Variants in GPD2 observed in about 807,000 individuals in gnomAD.
GPD2 encodes the protein glycerol-3-phosphate dehydrogenase, mitochondrial.
A neutral mutation model predicts 82.4 loss-of-function variants in GPD2; 54 were observed. The ratio of observed to expected loss-of-function variants is 0.66; its 90% CI spans 0.53 to 0.82. The LOEUF is 0.82. Ranked by LOEUF, GPD2 falls within the 40% of genes least tolerant of loss-of-function variation. GPD2 has a pLI of 0.00. For synonymous variants in GPD2, 288 were observed against 306.1 expected (o/e 0.94, Z 0.62); for missense variants, 748 against 896.2 (o/e 0.83, Z 2.11).
chr2:156,574,573 G>A (rs1036207495), intron 13 of GPD2, among the ~76,000 whole-genome samples: 5 of 151,326 alleles, frequency 3.3e-5, no homozygotes, highest in Non-Finnish European at 7.4e-5. Context: ...TAAGTAGACT[G>A]AGAGTCTCAC....
At chr2:156,406,353 C>T in the GPD2 span, among the ~76,000 whole-genome samples, 2 of 152,162 alleles carry the variant, frequency 1.3e-5, no homozygotes, top group East Asian at 1.9e-4. Context: ...ATCCTGCTCA[C>T]GATATGCTCA....
chr2:156,518,260 C>T (rs1003151780), intron 6 of GPD2, among the ~76,000 whole-genome samples: 1 of 152,164 alleles, frequency 6.6e-6, no homozygotes, highest in African/African-American at 2.4e-5. Flanking sequence ...CCACCCCAAC[C>T]TCAGCTATAA....
At chr2:156,498,441 T>C (rs1204087257) in intron 3 of GPD2, among the ~76,000 whole-genome samples, 1 of 152,190 alleles carries the variant, frequency 6.6e-6, no homozygotes, top group African/African-American at 2.4e-5. Flanking sequence ...GGTAACATTT[T>C]AATAGGCAAA....
intron 9 of GPD2, among the ~76,000 whole-genome samples, chr2:156,567,503 T>C (rs558503503): frequency 4.6e-4 from 70 of 152,242 alleles, no homozygotes; most frequent in African/African-American, 1.6e-3. Flanking sequence ...GGGAGTATGA[T>C]GAAGAAGGAG....
chr2:156,503,652 AAAG>A (rs1224894753), intron 3 of GPD2, among the ~76,000 whole-genome samples: 2 of 152,220 alleles, frequency 1.3e-5, no homozygotes, highest in African/African-American at 4.8e-5. Context: ...AAATTTTAAA[AAAG>A]CAAGTTGTGA....
intron 3 of GPD2, among the ~76,000 whole-genome samples, chr2:156,496,752 A>G (rs1366189898): frequency 6.6e-6 from 1 of 152,140 alleles, no homozygotes; most frequent in Non-Finnish European, 1.5e-5. Flanking sequence ...TATATAAAAT[A>G]AAAACATTTT....
rs918407613 is a variant in GPD2 at position 156,527,782 on chromosome 2, C to G, written c.661+14286C>G. On this transcript the variant is annotated intron_variant, in intron 6 of 16. Coordinates refer to ENST00000438166, the MANE Select transcript of GPD2 (RefSeq NM_000408.5). ...TGTAACTGATTTACCTGGGATAGAC[C>G]AGGTAAATCAGTACACCAGAAACTT... Among the ~76,000 whole-genome samples the G allele has an allele frequency of 9.9e-5, 15 of 151,826 alleles. 1 individual carries two copies. The highest frequency in any genetic ancestry group is 8.5e-4 in the Admixed American group (13 of 15,262).
At chr2:156,502,077 T>C (rs778555347) in intron 3 of GPD2, among the ~76,000 whole-genome samples, 12 of 149,906 alleles carry the variant, frequency 8.0e-5, no homozygotes, top group Non-Finnish European at 1.8e-4. Context: ...TGTTGGGGTA[T>C]CCACTCCCCC....
At chr2:156,555,226 T>C (rs1487486129) in intron 8 of GPD2, among the ~76,000 whole-genome samples, 1 of 152,250 alleles carries the variant, frequency 6.6e-6, no homozygotes, top group Non-Finnish European at 1.5e-5. Flanking sequence ...GTTAATTTTA[T>C]GTTTGTCACA....
At chr2:156,578,171 CA>C (rs1447027034) in intron 13 of GPD2, among the ~76,000 whole-genome samples, 1 of 152,176 alleles carries the variant, frequency 6.6e-6, no homozygotes, top group Non-Finnish European at 1.5e-5. Flanking sequence ...TATTAATTGA[CA>C]CTGAGGACAT....
At chr2:156,563,904 G>A (rs1180394990) in intron 9 of GPD2, among the ~76,000 whole-genome samples, 2 of 152,072 alleles carry the variant, frequency 1.3e-5, no homozygotes, top group Non-Finnish European at 2.9e-5. Context: ...AAATTCAGTT[G>A]CTCAGTCAGG....
intron 1 of GPD2, among the ~76,000 whole-genome samples, chr2:156,457,327 A>T (rs781289576): frequency 8.5e-5 from 13 of 152,172 alleles, no homozygotes; most frequent in South Asian, 2.1e-4. Flanking sequence ...TACAGGGAAT[A>T]TTTTTAATCT....
At chr2:156,486,327 A>G (rs1240503982) in intron 2 of GPD2, among the ~76,000 whole-genome samples, 1 of 152,222 alleles carries the variant, frequency 6.6e-6, no homozygotes, top group African/African-American at 2.4e-5. Context: ...CTGGCATACA[A>G]AATCAGTGAG....
At chr2:156,427,760 C>A in the GPD2 span, among the ~76,000 whole-genome samples, 2 of 152,184 alleles carry the variant, frequency 1.3e-5, no homozygotes, top group East Asian at 1.9e-4. Context: ...TATTGGTTGA[C>A]AGTTCTGGAG....
intron 1 of GPD2, among the ~76,000 whole-genome samples, chr2:156,445,282 T>A (rs756072877): frequency 2.0e-4 from 31 of 152,210 alleles, no homozygotes; most frequent in Non-Finnish European, 4.4e-4. Context: ...TGTGGTTATT[T>A]TCTGGTATGG....
intron 6 of GPD2, among the ~76,000 whole-genome samples, chr2:156,540,151 C>T (rs1686250519): frequency 6.6e-6 from 1 of 152,216 alleles, no homozygotes; most frequent in Non-Finnish European, 1.5e-5. Flanking sequence ...GTAGCAACCA[C>T]AGCCACAGGC....
intron 13 of GPD2, among the ~76,000 whole-genome samples, chr2:156,572,059 TG>T (rs1205224632): frequency 6.6e-6 from 1 of 152,162 alleles, no homozygotes; most frequent in African/African-American, 2.4e-5. Context: ...TTGTTTTACT[TG>T]GCCAATTAGC....
At chr2:156,426,666 A>G in the GPD2 span, among the ~76,000 whole-genome samples, 4 of 152,158 alleles carry the variant, frequency 2.6e-5, no homozygotes, top group African/African-American at 9.7e-5. Flanking sequence ...AGGAACTAGG[A>G]TGTGCGGAAG....
At chr2:156,429,213 C>A in the GPD2 span, among the ~76,000 whole-genome samples, 22 of 152,192 alleles carry the variant, frequency 1.4e-4, no homozygotes, top group Admixed American at 6.5e-5. Flanking sequence ...CTGAACAAAT[C>A]TCCAGTTTCT....
Sources: gnomAD v4.1 joint callset for allele counts (sites outside exome capture counted in the v4.1 genomes callset) on GRCh38, gnomAD v4.1.1 for gene constraint, MANE v1.5 for transcripts, NCBI Gene and HGNC (gene_info 2026-07-23, HGNC 2026-07-21) for gene names.